EFNA2: variants seen among roughly 807,000 people sequenced by gnomAD.
The protein encoded by EFNA2 is ephrin A2, also known as ephrin-A2.
In EFNA2, 18 loss-of-function variants were observed where a neutral mutation model predicts 19.7. That is an observed-to-expected ratio of 0.91 (90% CI 0.63 to 1.35). The LOEUF is 1.35. Among genes scored for constraint, EFNA2 ranks in the 40% most tolerant of loss-of-function variants. The pLI, the probability that EFNA2 is intolerant of heterozygous loss-of-function variation, is 0.00. For missense variants in EFNA2, 303 were observed against 296.0 expected (o/e 1.02, Z -0.17); for synonymous variants, 187 against 137.8 (o/e 1.36, Z -2.50).
rs556739306 is a variant in EFNA2 at position 1,300,147 on chromosome 19, C to A, written c.*202C>A. 4.9e-5 allele frequency: 34 copies of A among 687,618 alleles called. No individual in the cohort carries two copies. In the South Asian group the frequency reaches 5.8e-4, roughly 12 times the overall value. 42.6% of individuals were successfully genotyped at this position (687,618 alleles called of 1,614,324 possible). A position where few individuals can be genotyped will look rare whatever the true frequency, so the allele number is the denominator to read the frequency against. ...TCAGGGAGGGGAAACGGCCGAGAGC[C>A]CCCCCCCGGAGGCCCGAGGGGCCGG... is the stretch of plus-strand genomic sequence containing the variant. On this transcript the variant is annotated 3_prime_UTR_variant, in exon 4 of 4. Transcript: ENST00000215368.
In EFNA2 at chr19:1,295,485, C is replaced by T. The variant is rs2081509659; in HGVS notation, c.141-60C>T. On this transcript the variant is annotated intron_variant, in intron 1 of 3. Transcript: ENST00000215368. The surrounding 1 kb of genome is among the most constrained non-coding windows in gnomAD (Gnocchi z 5.8). ...CCTGACCCTGGCCCTCCCCGCGCAC[C>T]CCGACCCGTGCCCCGTTCCTCGCTC... 2.1e-6 allele frequency: 3 copies of T among 1,455,280 alleles called. No individual in the cohort carries two copies. The highest frequency in any genetic ancestry group is 2.7e-6 in the Non-Finnish European group (3 of 1,105,582). 90.1% of individuals were successfully genotyped at this position (1,455,280 alleles called of 1,614,324 possible).
At chr19:1,292,029 C>A (rs2081493909) in intron 1 of EFNA2, among the ~76,000 whole-genome samples, 1 of 152,244 alleles carries the variant, frequency 6.6e-6, no homozygotes, top group African/African-American at 2.4e-5. Context: ...CAGTCATTAA[C>A]CCCTTAGTGA....
At chr19:1,288,296 C>T (rs1031543208) in intron 1 of EFNA2, among the ~76,000 whole-genome samples, 10 of 152,180 alleles carry the variant, frequency 6.6e-5, no homozygotes, top group African/African-American at 1.7e-4. Context: ...GGCACCTGCC[C>T]GGGACCTGTG....
chr19:1,289,796 G>A (rs2081482783), intron 1 of EFNA2, among the ~76,000 whole-genome samples: 1 of 152,192 alleles, frequency 6.6e-6, no homozygotes, highest in South Asian at 2.1e-4. Flanking sequence ...CCAGCAGAGG[G>A]CAGAGGTGAA....
rs1177517063 is a variant in EFNA2 at position 1,295,826 on chromosome 19, A to G, written c.422A>G (p.Glu141Gly). ...TTCACGCCCTTCTCCCTGGGCTTCG[A>G]GTTCCGGCCCGGCCACGAGTATTAC... ...QLFTPFSLGF[E>G]FRPGHEYYYI... The change falls in exon 2 of 4, where the codon GAG (glutamate) becomes GGG (glycine). Residue 141 changes from glutamate (E) to glycine (G), a missense_variant. Transcript: ENST00000215368. This position sits in a 1 kb window ranked among gnomAD's most constrained non-coding sequence, Gnocchi z 5.8. 1 of 1,605,454 alleles carries G rather than the reference A, an allele frequency of 6.2e-7. No individual in the cohort carries two copies. The highest frequency in any genetic ancestry group is 8.5e-7 in the Non-Finnish European group (1 of 1,177,592).
rs2081525689 is a variant in EFNA2 at position 1,298,454 on chromosome 19, A to G, written c.455-97A>G. The G allele has an allele frequency of 4.7e-6, 6 of 1,272,124 alleles. No homozygotes were observed. The South Asian group carries it at 6.4e-5, about 14-fold the overall frequency. The allele number at this position is 1,272,124 out of a possible 1,614,324, so 78.8% of individuals were successfully genotyped here. Reference sequence around the variant, plus strand: ...TAAGGGTGGCTCTCCACCTGGGGTCAGGGTTGATTCACCAAGGTGGGGAAG... The same window carrying G: ...TAAGGGTGGCTCTCCACCTGGGGTCGGGGTTGATTCACCAAGGTGGGGAAG... On this transcript the variant is annotated intron_variant, in intron 2 of 3. Coordinates refer to ENST00000215368, the MANE Select transcript of EFNA2 (RefSeq NM_001405.4).
chr19:1,284,575 C>T (rs1821445983), upstream of EFNA2, among the ~76,000 whole-genome samples: 1 of 152,198 alleles, frequency 6.6e-6, no homozygotes, highest in Non-Finnish European at 1.5e-5. This position sits in a 1 kb window ranked among gnomAD's most constrained non-coding sequence, Gnocchi z 5.3. Context: ...GTGTGGCCCG[C>T]GTGGCCCGCT....
At position 1,294,252 on chromosome 19, in the gene EFNA2, CAT is replaced by C. The variant is rs1489556077; in HGVS notation, c.141-1292_141-1291del. Among the ~76,000 whole-genome samples, 1 of 152,234 alleles carries C rather than the reference CAT, an allele frequency of 6.6e-6. No homozygotes were observed. Among genetic ancestry groups the C allele is most frequent in the Non-Finnish European group, 1.5e-5 (1 of 68,038 alleles). On this transcript the variant is annotated intron_variant, in intron 1 of 3. Coordinates refer to ENST00000215368, the MANE Select transcript of EFNA2 (RefSeq NM_001405.4). The surrounding 1 kb of genome is among the most constrained non-coding windows in gnomAD (Gnocchi z 5.8). ...CCCGCTTGGTCCAGGCCGCCGGTTA[CAT>C]GACAGGGGCCCTGGGGACCACAGCC...
chr19:1,285,603 C>T (rs1440715594), upstream of EFNA2, among the ~76,000 whole-genome samples: 3 of 152,078 alleles, frequency 2.0e-5, no homozygotes, highest in African/African-American at 7.2e-5. This position sits in a 1 kb window ranked among gnomAD's most constrained non-coding sequence, Gnocchi z 4.1. Flanking sequence ...GCCCGGGACC[C>T]AGGGCCGGGC....
chr19:1,300,018 C>T lies in EFNA2; in HGVS notation c.*73C>T, dbSNP rs546588217. 8.8e-5 allele frequency: 131 copies of T among 1,490,196 alleles called. No homozygotes were observed. The East Asian group carries it at 2.8e-3, about 32-fold the overall frequency. The allele number at this position is 1,490,196 out of a possible 1,614,324, so 92.3% of individuals were successfully genotyped here. A position where few individuals can be genotyped will look rare whatever the true frequency, so the allele number is the denominator to read the frequency against. The stretch of plus-strand genomic sequence containing the variant: ...CCGCCTGACCTCGGCCCTCCGGACC[C>T]GGCTGCGGCCCCCGCCTCCGAGACC... On this transcript the variant is annotated 3_prime_UTR_variant, in exon 4 of 4. Transcript: ENST00000215368.
chr19:1,294,524 T>C lies in EFNA2; in HGVS notation c.141-1021T>C, dbSNP rs2144619866. Among the ~76,000 whole-genome samples the C allele has an allele frequency of 6.6e-6, 1 of 151,180 alleles. No individual in the cohort carries two copies. Among genetic ancestry groups the C allele is most frequent in the East Asian group, 2.0e-4 (1 of 5,056 alleles). On this transcript the variant is annotated intron_variant, in intron 1 of 3. Transcript: ENST00000215368. The surrounding 1 kb of genome is among the most constrained non-coding windows in gnomAD (Gnocchi z 5.8). ...CCAGGAGGCCGCCGGATTCCGGGGC[T>C]CGGGGCTCGGGAGGTTTCTGGGTTC...
rs1236283193 is a variant in EFNA2 at position 1,295,956 on chromosome 19, G to C, written c.454+98G>C. 2 of 1,209,436 alleles carry C rather than the reference G, an allele frequency of 1.7e-6. No individual in the cohort carries two copies. The highest frequency in any genetic ancestry group is 2.2e-6 in the Non-Finnish European group (2 of 912,886). The allele number at this position is 1,209,436 out of a possible 1,614,324, so 74.9% of individuals were successfully genotyped here. On this transcript the variant is annotated intron_variant, in intron 2 of 3. Transcript: ENST00000215368. The surrounding 1 kb of genome is among the most constrained non-coding windows in gnomAD (Gnocchi z 5.8). ...GGGACCACTGGGGTGGGGCCGGGGA[G>C]TGGGCGGGGCAGCGCAGTGGGCGGG... is the stretch of plus-strand genomic sequence containing the variant.
intron 3 of EFNA2, among the ~76,000 whole-genome samples, chr19:1,299,061 A>G (rs2081528536): frequency 6.6e-6 from 1 of 152,160 alleles, no homozygotes; most frequent in Non-Finnish European, 1.5e-5. Context: ...AACATGGCGA[A>G]ACCCCATCTC....
At position 1,295,879 on chromosome 19, in the gene EFNA2, GC is replaced by G; in HGVS notation, c.454+22del. The G allele has an allele frequency of 1.3e-6, 2 of 1,558,498 alleles. No individual in the cohort carries two copies. Among genetic ancestry groups the G allele is most frequent in the Non-Finnish European group, 1.7e-6 (2 of 1,160,784 alleles). ...CATCTGTGAGTGGGGTCGGGCCGGG[GC>G]TGCCGGGGCCCGAGTGGGCGGGGAC... is the stretch of plus-strand genomic sequence containing the variant. On this transcript the variant is annotated intron_variant, in intron 2 of 3. Transcript: ENST00000215368. This position sits in a 1 kb window ranked among gnomAD's most constrained non-coding sequence, Gnocchi z 5.8.
Position 1,300,438 on chromosome 19 carries a change from G to T in EFNA2, c.*493G>T, listed in dbSNP as rs956639849. Among the ~76,000 whole-genome samples, 2 of 151,284 alleles carry T rather than the reference G, an allele frequency of 1.3e-5. No homozygotes were observed. The highest frequency in any genetic ancestry group is 2.4e-5 in the African/African-American group (1 of 41,278). ...CTCCCCTCTGCTCTGCACCCCACTC[G>T]TGGGGGAACACAGCCGCTCCCCTCT... On this transcript the variant is annotated 3_prime_UTR_variant, in exon 4 of 4. Coordinates refer to ENST00000215368, the MANE Select transcript of EFNA2 (RefSeq NM_001405.4).
rs1001449879 is a variant in EFNA2 at position 1,287,814 on chromosome 19, C to T, written c.140+1506C>T. ...CGGCCCAAGTTTTTGGTTTCAGCTGCGGAATCTCCCGTCCCCAGCGTGGCC... is the reference window on the plus strand; with the variant it reads ...CGGCCCAAGTTTTTGGTTTCAGCTGTGGAATCTCCCGTCCCCAGCGTGGCC... On this transcript the variant is annotated intron_variant, in intron 1 of 3. Coordinates refer to ENST00000215368, the MANE Select transcript of EFNA2 (RefSeq NM_001405.4). This position sits in a 1 kb window ranked among gnomAD's most constrained non-coding sequence, Gnocchi z 6.2. Among the ~76,000 whole-genome samples the T allele has an allele frequency of 3.3e-5, 5 of 152,252 alleles. No homozygotes were observed. The highest frequency in any genetic ancestry group is 4.8e-5 in the African/African-American group (2 of 41,474).
At position 1,286,991 on chromosome 19, in the gene EFNA2, G is replaced by A. The variant is rs1319374180; in HGVS notation, c.140+683G>A. 1.3e-5 allele frequency among the ~76,000 whole-genome samples: 2 copies of A among 152,266 alleles called. No homozygotes were observed. The highest frequency in any genetic ancestry group is 3.9e-4 in the East Asian group (2 of 5,178). On this transcript the variant is annotated intron_variant, in intron 1 of 3. Coordinates refer to ENST00000215368, the MANE Select transcript of EFNA2 (RefSeq NM_001405.4). This position sits in a 1 kb window ranked among gnomAD's most constrained non-coding sequence, Gnocchi z 5.6. Reference sequence around the variant, plus strand: ...GAGGTGCAGAGGGGATGAGGAGCTGGCTCAAGGTCATGCAAGGGGGGGACT... The same window carrying A: ...GAGGTGCAGAGGGGATGAGGAGCTGACTCAAGGTCATGCAAGGGGGGGACT...
At position 1,295,219 on chromosome 19, in the gene EFNA2, C is replaced by A. The variant is rs1199231817; in HGVS notation, c.141-326C>A. 6.6e-6 allele frequency among the ~76,000 whole-genome samples: 1 copy of A among 152,102 alleles called. No homozygotes were observed. Among genetic ancestry groups the A allele is most frequent in the Non-Finnish European group, 1.5e-5 (1 of 67,984 alleles). On this transcript the variant is annotated intron_variant, in intron 1 of 3. Coordinates refer to ENST00000215368, the MANE Select transcript of EFNA2 (RefSeq NM_001405.4). This position sits in a 1 kb window ranked among gnomAD's most constrained non-coding sequence, Gnocchi z 5.8. ...GGCGGAGTCCACCTTGTGAACTGAC[C>A]CCTCCCCCATTCCCCGGCCTGACTT... is the stretch of plus-strand genomic sequence containing the variant.
At chr19:1,292,880 C>T (rs2081498009) in intron 1 of EFNA2, among the ~76,000 whole-genome samples, 1 of 152,168 alleles carries the variant, frequency 6.6e-6, no homozygotes, top group South Asian at 2.1e-4. Flanking sequence ...AAGCCTCGGT[C>T]TCTGACATTT....
Sources: allele counts gnomAD v4.1 joint callset (sites outside exome capture counted in the v4.1 genomes callset), GRCh38; gene constraint gnomAD v4.1.1; non-coding constraint Gnocchi (gnomAD v3.1); transcripts MANE v1.5; gene names NCBI Gene and HGNC (gene_info 2026-07-23, HGNC 2026-07-21).